The following APPBP2 variants were observed in gnomAD, a reference collection of about 807,000 sequenced individuals.
APPBP2 encodes amyloid protein-binding protein 2.
A neutral mutation model predicts 76.0 loss-of-function variants in APPBP2; 15 were observed. The ratio of observed to expected loss-of-function variants is 0.20; its 90% CI spans 0.13 to 0.30. APPBP2 has a LOEUF of 0.30. Ranked by LOEUF, APPBP2 falls within the 10% of genes least tolerant of loss-of-function variation. The pLI is 1.00. For synonymous variants in APPBP2, 222 were observed against 242.2 expected, an observed-to-expected ratio of 0.92 and a Z score of 0.77; for missense variants, 401 against 687.2, an observed-to-expected ratio of 0.58 and a Z score of 4.66.
intron 1 of APPBP2, among the ~76,000 whole-genome samples, chr17:60,502,621 A>G (rs1012492479): frequency 6.8e-6 from 1 of 146,598 alleles, no homozygotes; most frequent in Non-Finnish European, 1.5e-5. Context: ...TGGGAGGCCA[A>G]GGGGGGGTGG....
chr17:60,472,457 T>C (rs1341385359), intron 4 of APPBP2, among the ~76,000 whole-genome samples: 3 of 152,254 alleles, frequency 2.0e-5, no homozygotes, highest in East Asian at 1.9e-4. Context: ...CAACTGTTCA[T>C]AGGATTCACC....
intron 4 of APPBP2, among the ~76,000 whole-genome samples, chr17:60,475,312 C>G (rs911436180): frequency 6.6e-6 from 1 of 152,136 alleles, no homozygotes; most frequent in African/African-American, 2.4e-5. Context: ...ATTATATTGC[C>G]CAGGCAGGTC....
chr17:60,502,988 T>C (rs895779903), intron 1 of APPBP2, among the ~76,000 whole-genome samples: 1 of 146,176 alleles, frequency 6.8e-6, no homozygotes, highest in Non-Finnish European at 1.5e-5. Flanking sequence ...AGAGTCTATA[T>C]TTGATATTTG....
chr17:60,493,481 T>A (rs1443303885), intron 3 of APPBP2, among the ~76,000 whole-genome samples: 3 of 152,100 alleles, frequency 2.0e-5, no homozygotes, highest in African/African-American at 7.2e-5. Context: ...TCTAACTACT[T>A]TTATATTTAT....
intron 1 of APPBP2, among the ~76,000 whole-genome samples, chr17:60,525,346 C>T (rs1379834100): frequency 6.6e-6 from 1 of 152,148 alleles, no homozygotes; most frequent in East Asian, 1.9e-4. Flanking sequence ...CACCAAAACA[C>T]TCGGGGAAGG....
intron 1 of APPBP2, among the ~76,000 whole-genome samples, chr17:60,505,712 G>C (rs2090862754): frequency 9.6e-6 from 1 of 104,010 alleles, no homozygotes; most frequent in African/African-American, 5.7e-5. Flanking sequence ...TTGAGATGGA[G>C]TTTCACTCTT....
chr17:60,449,962 A>G (rs944776850), intron 12 of APPBP2, among the ~76,000 whole-genome samples: 21 of 151,690 alleles, frequency 1.4e-4, no homozygotes, highest in Admixed American at 2.6e-4. Flanking sequence ...ACGCCCGGCT[A>G]ATTTTTGTCT....
intron 1 of APPBP2, among the ~76,000 whole-genome samples, chr17:60,513,881 T>G (rs2090940984): frequency 6.6e-6 from 1 of 150,696 alleles, no homozygotes; most frequent in African/African-American, 2.4e-5. Flanking sequence ...AGAGCATATA[T>G]GTACAAAGTA....
intron 4 of APPBP2, among the ~76,000 whole-genome samples, chr17:60,467,630 G>A (rs73326459): frequency 0.082 from 12,507 of 152,190 alleles, 1,699 homozygotes; most frequent in African/African-American, 0.28. Context: ...TTCATTTAAG[G>A]ATAAATGCCA....
At position 60,444,476 on chromosome 17, in the gene APPBP2, C is replaced by T. The variant is rs536719159; in HGVS notation, c.*3105G>A. On this transcript the variant is annotated 3_prime_UTR_variant, in exon 13 of 13. Transcript: ENST00000083182. ...CCTTCATTATTTCTAAGATCGCAGC[C>T]TCTGTACTTAATTTTCATAAAATTA... The T allele has an allele frequency of 1.3e-5, 2 of 152,174 alleles. No individual in the cohort carries two copies. The highest frequency in any genetic ancestry group is 1.3e-4 in the Admixed American group (2 of 15,278). 9.4% of individuals were successfully genotyped at this position (152,174 alleles called of 1,614,324 possible).
At chr17:60,462,925 T>C (rs1337697545) in intron 6 of APPBP2, among the ~76,000 whole-genome samples, 2 of 137,752 alleles carry the variant, frequency 1.5e-5, no homozygotes, top group African/African-American at 2.9e-5. Flanking sequence ...CACTCCAGCC[T>C]GGGCGACAGC....
intron 3 of APPBP2, among the ~76,000 whole-genome samples, chr17:60,486,303 A>G (rs1363591623): frequency 6.6e-6 from 1 of 152,206 alleles, no homozygotes; most frequent in African/African-American, 2.4e-5. Context: ...GGGGTGTTAA[A>G]GTCTCCCATT....
At chr17:60,482,573 A>C (rs1320378428) in intron 3 of APPBP2, among the ~76,000 whole-genome samples, 3 of 152,066 alleles carry the variant, frequency 2.0e-5, no homozygotes, top group Admixed American at 6.5e-5. Flanking sequence ...TCCTAACGCT[A>C]TCCCTCCCCC....
chr17:60,469,398 C>T (rs914004120), intron 4 of APPBP2, among the ~76,000 whole-genome samples: 5 of 149,082 alleles, frequency 3.4e-5, no homozygotes, highest in South Asian at 4.2e-4. Flanking sequence ...AAATAAAGAC[C>T]GGTATGGGTT....
chr17:60,480,740 T>C (rs1292118719), intron 3 of APPBP2, among the ~76,000 whole-genome samples: 2 of 152,178 alleles, frequency 1.3e-5, no homozygotes, highest in African/African-American at 4.8e-5. Context: ...CCCATACTAC[T>C]AGAGTCTGTT....
At chr17:60,488,289 T>G (rs755482691) in intron 3 of APPBP2, among the ~76,000 whole-genome samples, 1 of 152,250 alleles carries the variant, frequency 6.6e-6, no homozygotes, top group Non-Finnish European at 1.5e-5. Flanking sequence ...CAGAAGTTTC[T>G]GCTGCCTTTT....
At position 60,446,691 on chromosome 17, in the gene APPBP2, T is replaced by C. The variant is rs968244728; in HGVS notation, c.*890A>G. ...GTGTACCTTGACTAAAAATATGCCATTGAAATTGCCAAACTTCCCTAATTT... is the reference window on the plus strand; with the variant it reads ...GTGTACCTTGACTAAAAATATGCCACTGAAATTGCCAAACTTCCCTAATTT... On this transcript the variant is annotated 3_prime_UTR_variant, in exon 13 of 13. Coordinates refer to ENST00000083182, the MANE Select transcript of APPBP2 (RefSeq NM_006380.5). 8.5e-5 allele frequency: 13 copies of C among 152,222 alleles called. No homozygotes were observed. Among genetic ancestry groups the C allele is most frequent in the African/African-American group, 3.1e-4 (13 of 41,448 alleles). 9.4% of individuals were successfully genotyped at this position (152,222 alleles called of 1,614,324 possible). A position where few individuals can be genotyped will look rare whatever the true frequency, so the allele number is the denominator to read the frequency against.
chr17:60,448,726 A>G (rs2090369242), intron 12 of APPBP2, among the ~76,000 whole-genome samples: 1 of 152,224 alleles, frequency 6.6e-6, no homozygotes, highest in South Asian at 2.1e-4. Context: ...ATAGTATGCT[A>G]TCTTTTGTGT....
chr17:60,493,933 C>T (rs901255685), intron 3 of APPBP2, among the ~76,000 whole-genome samples: 2 of 152,190 alleles, frequency 1.3e-5, no homozygotes, highest in African/African-American at 4.8e-5. Context: ...TCACCATGCC[C>T]AGCTCTATCA....
Sources: allele counts gnomAD v4.1 joint callset (sites outside exome capture counted in the v4.1 genomes callset), GRCh38; gene constraint gnomAD v4.1.1; transcripts MANE v1.5; gene names NCBI Gene and HGNC (gene_info 2026-07-23, HGNC 2026-07-21).